Variants in RFK observed in about 807,000 individuals in gnomAD.
The protein encoded by RFK is 0610038L10Rik.
In RFK, 4 loss-of-function variants were observed where a neutral mutation model predicts 17.6. The observed-to-expected ratio is 0.23, with a 90% CI of 0.11 to 0.52. The LOEUF (loss-of-function observed/expected upper bound fraction) is 0.52. Among genes scored for constraint, RFK ranks in the 20% least tolerant of loss-of-function variants. RFK has a pLI of 0.96. For synonymous variants in RFK, 59 were observed against 63.8 expected (o/e 0.92, Z 0.36); for missense variants, 189 against 187.7 (o/e 1.01, Z -0.04).
rs1207707499 is a variant in RFK at position 76,387,184 on chromosome 9, T to A, written c.*215A>T. On this transcript the variant is annotated 3_prime_UTR_variant, in exon 4 of 4. Coordinates refer to ENST00000376736, the MANE Select transcript of RFK (RefSeq NM_018339.6). ...TACATTTTAATCAATATATATTTTT[T>A]AAATCTTATTTTTAACTCAATCTTT... 2 of 424,214 alleles carry A rather than the reference T, an allele frequency of 4.7e-6. No individual in the cohort carries two copies. Among genetic ancestry groups the A allele is most frequent in the East Asian group, 7.7e-5 (2 of 26,130 alleles). 26.3% of individuals were successfully genotyped at this position (424,214 alleles called of 1,614,324 possible).
chr9:76,388,364 T>A, intron 3 of RFK, 190 bp downstream of exon 3: 1 of 641,306 alleles, frequency 1.6e-6, no homozygotes, highest in Non-Finnish European at 2.8e-6. Flanking sequence ...CATTTCCTCA[T>A]CTGAGAAATA....
Position 76,390,249 on chromosome 9 carries a change from A to C in RFK, c.235-1593T>G, listed in dbSNP as rs79489549. ...CAATTTGAAGATATGTCAGTCAATT[A>C]AACTTTTAGAAAAAAACCACAGACA... is the stretch of plus-strand genomic sequence containing the variant. On this transcript the variant is annotated intron_variant, in intron 2 of 3. Coordinates refer to ENST00000376736, the MANE Select transcript of RFK (RefSeq NM_018339.6). Among the ~76,000 whole-genome samples, 218 of 152,358 alleles carry C rather than the reference A, an allele frequency of 1.4e-3. 1 individual carries two copies. The highest frequency in any genetic ancestry group is 4.9e-3 in the African/African-American group (205 of 41,578).
rs564618776 is a variant in RFK at position 76,388,474 on chromosome 9, C to G, written c.337+80G>C. The G allele has an allele frequency of 1.1e-5, 9 of 843,576 alleles. No individual in the cohort carries two copies. In the South Asian group the frequency reaches 1.3e-4, roughly 12 times the overall value. 52.3% of individuals were successfully genotyped at this position (843,576 alleles called of 1,614,324 possible). On this transcript the variant is annotated intron_variant, in intron 3 of 3. Coordinates refer to ENST00000376736, the MANE Select transcript of RFK (RefSeq NM_018339.6). Reference sequence around the variant, plus strand: ...AATGCTCAAATATTATCTGTCCTGCCATCATTATTACTGGTAGTAGTGGTA... The same window carrying G: ...AATGCTCAAATATTATCTGTCCTGCGATCATTATTACTGGTAGTAGTGGTA...
intron 3 of RFK, 76 bp downstream of exon 3, chr9:76,388,478 A>T (rs1290800939): frequency 1.1e-6 from 1 of 870,026 alleles, no homozygotes; most frequent in African/African-American, 1.6e-5. Context: ...TCCTGCCATC[A>T]TTATTACTGG....
At chr9:76,392,850 A>G (rs1822835228) in intron 1 of RFK, among the ~76,000 whole-genome samples, 1 of 152,214 alleles carries the variant, frequency 6.6e-6, no homozygotes, top group African/African-American at 2.4e-5. Context: ...GCAGTAAGCT[A>G]TGATCGCACT....
intron 1 of RFK, chr9:76,393,674 A>G (rs1432102156): frequency 5.0e-6 from 1 of 198,850 alleles, no homozygotes; most frequent in African/African-American, 2.3e-5. Flanking sequence ...CTATGTTATC[A>G]TTTGGACATT....
rs1822724576 is a variant in RFK, at chr9:76,386,085, T to C, written c.*1314A>G. 2 of 152,160 alleles carry C rather than the reference T, an allele frequency of 1.3e-5. No homozygotes were observed. The highest frequency in any genetic ancestry group is 4.1e-4 in the South Asian group (2 of 4,834). 9.4% of individuals were successfully genotyped at this position (152,160 alleles called of 1,614,324 possible). A position where few individuals can be genotyped will look rare whatever the true frequency, so the allele number is the denominator to read the frequency against. On this transcript the variant is annotated 3_prime_UTR_variant, in exon 4 of 4. Transcript: ENST00000376736. Reference sequence around the variant, plus strand: ...ACTTTAAAATTACCTTCTATCTGCTTCTACCTCTATCCCCCCATCACCACC... The same window carrying C: ...ACTTTAAAATTACCTTCTATCTGCTCCTACCTCTATCCCCCCATCACCACC...
chr9:76,389,890 A>G (rs1822794939), intron 2 of RFK, among the ~76,000 whole-genome samples: 2 of 152,232 alleles, frequency 1.3e-5, no homozygotes, highest in Admixed American at 1.3e-4. Context: ...TGCTGCCCCA[A>G]TCAAAATCCT....
intron 2 of RFK, among the ~76,000 whole-genome samples, chr9:76,391,264 A>T (rs1587391945): frequency 6.6e-6 from 1 of 152,362 alleles, no homozygotes; most frequent in South Asian, 2.1e-4. Context: ...CTTCACTTCT[A>T]TTAACTCCAC....
intron 3 of RFK, 172 bp from the exon 4 acceptor site, chr9:76,387,701 C>G: frequency 1.7e-6 from 1 of 580,860 alleles, no homozygotes; most frequent in South Asian, 2.4e-5. Flanking sequence ...CAATGGTACA[C>G]AAAAGATATG....
chr9:76,394,153 A>T lies in RFK; in HGVS notation c.19T>A (p.Phe7Ile). MRHLPY[F>I]CRGQVVRGFG... ...CCCCGCACCACTTGACCCCGGCAGA[A>T]GTAAGGCAGGTGCCTCATAATGCAG... Residue 7 changes from phenylalanine (F) to isoleucine (I), a missense_variant, in exon 1 of 4, where the codon TTC becomes ATC. Physicochemically the swap from Phe to Ile is conservative, Grantham distance 21 (BLOSUM62 0). This residue lies in a region of RFK where 90 missense variants were observed against 75.4 expected (regional missense o/e 1.19). Transcript: ENST00000376736. 6.2e-7 allele frequency: 1 copy of T among 1,608,126 alleles called. No homozygotes were observed. Among genetic ancestry groups the T allele is most frequent in the Non-Finnish European group, 8.5e-7 (1 of 1,178,188 alleles).
In RFK at chr9:76,385,535, G is replaced by GCTAAGTGATATTTTA. The variant is rs1822717942; in HGVS notation, c.*1863_*1864insTAAAATATCACTTAG. ...ACAGGGAAAGAAAAAATATCACTTA[G>GCTAAGTGATATTTTA]TCAAAATTTATTTCAAGGCCTGAAA... is the stretch of plus-strand genomic sequence containing the variant. On this transcript the variant is annotated 3_prime_UTR_variant, in exon 4 of 4. Coordinates refer to ENST00000376736, the MANE Select transcript of RFK (RefSeq NM_018339.6). 1 of 152,162 alleles carries GCTAAGTGATATTTTA rather than the reference G, an allele frequency of 6.6e-6. No homozygotes were observed. Among genetic ancestry groups the GCTAAGTGATATTTTA allele is most frequent in the Non-Finnish European group, 1.5e-5 (1 of 68,040 alleles). 9.4% of individuals were successfully genotyped at this position (152,162 alleles called of 1,614,324 possible).
chr9:76,393,905 A>G (rs1736147360), intron 1 of RFK, 185 bp downstream of exon 1: 1 of 578,838 alleles, frequency 1.7e-6, no homozygotes, highest in South Asian at 2.3e-5. Flanking sequence ...AGCCAGAAGC[A>G]GGGACAAGCT....
At chr9:76,391,499 TTTATC>T (rs1487775126) in intron 2 of RFK, among the ~76,000 whole-genome samples, 2 of 152,180 alleles carry the variant, frequency 1.3e-5, no homozygotes, top group African/African-American at 4.8e-5. Context: ...AGTAAACTGT[TTTATC>T]TTAAGAGGGT....
rs1822862754 is a variant in RFK, at chr9:76,394,302, C to A, written c.-131G>T. On this transcript the variant is annotated 5_prime_UTR_variant, in exon 1 of 4. Transcript: ENST00000376736. ...AGCTCTGCCTGCCGCGGGGGCGCACCAGTGGCCGGACGACGCCGACCACAG... is the reference window on the plus strand; with the variant it reads ...AGCTCTGCCTGCCGCGGGGGCGCACAAGTGGCCGGACGACGCCGACCACAG... 2 of 844,026 alleles carry A rather than the reference C, an allele frequency of 2.4e-6. No homozygotes were observed. The highest frequency in any genetic ancestry group is 3.9e-5 in the South Asian group (2 of 51,328). 52.3% of individuals were successfully genotyped at this position (844,026 alleles called of 1,614,324 possible). A position where few individuals can be genotyped will look rare whatever the true frequency, so the allele number is the denominator to read the frequency against.
intron 2 of RFK, among the ~76,000 whole-genome samples, chr9:76,389,333 C>G (rs1822785648): frequency 6.6e-6 from 1 of 152,026 alleles, no homozygotes; most frequent in Non-Finnish European, 1.5e-5. Context: ...CCGCGGGGCT[C>G]AGTTTTCTCG....
At chr9:76,389,311 T>C (rs1822785330) in intron 2 of RFK, among the ~76,000 whole-genome samples, 5 of 152,180 alleles carry the variant, frequency 3.3e-5, no homozygotes, top group African/African-American at 1.2e-4. Context: ...TGGTTAACTG[T>C]ATAACTAGCT....
At chr9:76,392,625 A>G in intron 1 of RFK, 56 bp from the exon 2 acceptor site, 1 of 1,549,660 alleles carries the variant, frequency 6.5e-7, no homozygotes, top group Admixed American at 1.7e-5. Flanking sequence ...AAATGCCTGT[A>G]GCCGAGTGCA....
chr9:76,394,091 T>A lies in RFK; in HGVS notation c.81A>T (p.Thr27=). 6.2e-7 allele frequency: 1 copy of A among 1,603,838 alleles called. No individual in the cohort carries two copies. Among genetic ancestry groups the A allele is most frequent in the East Asian group, 2.2e-5 (1 of 44,458 alleles). ...GRGSKQLGIP[T]ANFPEQVVDN... ...GGACTCTGGCCGCCCTGCTCTCACCTGTGGGGATGCCCAGCTGCTTGGAGC... is the reference window on the plus strand; with the variant it reads ...GGACTCTGGCCGCCCTGCTCTCACCAGTGGGGATGCCCAGCTGCTTGGAGC... The change falls in exon 1 of 4, where the codon ACA becomes ACT. Residue 27 remains threonine (T), a splice_region_variant and synonymous_variant. Transcript: ENST00000376736.
Sources: gnomAD v4.1 joint callset for allele counts (sites outside exome capture counted in the v4.1 genomes callset) on GRCh38, gnomAD v4.1.1 for gene constraint, gnomAD v4.1.1 regional missense constraint, MANE v1.5 for transcripts, NCBI Gene and HGNC (gene_info 2026-07-23, HGNC 2026-07-21) for gene names.